Variants in TRIM9 observed in about 807,000 individuals in gnomAD.
TRIM9 encodes tripartite motif containing 9, also known as E3 ubiquitin-protein ligase TRIM9.
TRIM9 carries 26 observed loss-of-function variants against 78.3 expected under a neutral mutation model. The observed-to-expected ratio is 0.33, with a 90% CI of 0.24 to 0.46. The LOEUF is 0.46. Among genes scored for constraint, TRIM9 ranks in the 20% least tolerant of loss-of-function variants. The pLI is 1.00. For synonymous variants in TRIM9, 398 were observed against 416.5 expected (o/e 0.96, Z 0.54); for missense variants, 787 against 1,036.4 (o/e 0.76, Z 3.30).
chr14:51,012,259 C>G (rs535394360), intron 3 of TRIM9, among the ~76,000 whole-genome samples: 2 of 152,190 alleles, frequency 1.3e-5, no homozygotes, highest in African/African-American at 4.8e-5. Flanking sequence ...CCCTGGCAAC[C>G]GCCATTCTAC....
intron 3 of TRIM9, among the ~76,000 whole-genome samples, chr14:51,010,828 G>A (rs942250042): frequency 3.3e-5 from 5 of 152,286 alleles, no homozygotes; most frequent in African/African-American, 4.8e-5. Flanking sequence ...TCTGCTGAGC[G>A]ATGTTTGCTG....
chr14:51,053,161 A>G (rs1185251069), intron 1 of TRIM9, among the ~76,000 whole-genome samples: 1 of 93,856 alleles, frequency 1.1e-5, no homozygotes, highest in Non-Finnish European at 2.7e-5. Context: ...CCCTGTTTCA[A>G]AAAAAAAAAA....
intron 1 of TRIM9, among the ~76,000 whole-genome samples, chr14:51,027,341 T>C (rs1386636571): frequency 6.6e-6 from 1 of 150,936 alleles, no homozygotes; most frequent in African/African-American, 2.5e-5. Flanking sequence ...ATGGGGTTTC[T>C]CCATGTTGGC....
chr14:51,011,838 A>G (rs1038115125), intron 3 of TRIM9, among the ~76,000 whole-genome samples: 2 of 152,198 alleles, frequency 1.3e-5, no homozygotes, highest in African/African-American at 4.8e-5. Flanking sequence ...CGTTGCAGTC[A>G]TTGTATATGA....
At chr14:51,030,020 T>C (rs1320093039) in intron 1 of TRIM9, among the ~76,000 whole-genome samples, 1 of 152,240 alleles carries the variant, frequency 6.6e-6, no homozygotes, top group Non-Finnish European at 1.5e-5. Context: ...GTATGTAAAT[T>C]ACAGCATGAC....
At position 51,060,291 on chromosome 14, in the gene TRIM9, T is replaced by C. The variant is rs199897555; in HGVS notation, c.822+33827A>G. Among the ~76,000 whole-genome samples the C allele has an allele frequency of 1.1e-4, 16 of 152,204 alleles. No homozygotes were observed. In the East Asian group the frequency reaches 3.1e-3, roughly 29 times the overall value. On this transcript the variant is annotated intron_variant, in intron 1 of 12. Coordinates refer to ENST00000684578, the MANE Select transcript of TRIM9 (RefSeq NM_001387360.1). ...AGTCTTATATCAGCCTAACTTCCTA[T>C]GACCATTTAGCTAACCCTTTACTCC...
chr14:51,094,841 G>A lies in TRIM9; in HGVS notation c.99C>T (p.Cys33=). ...GGGTCTGCACCAGGATGTTGCGGGC[G>A]CACGCCTGACACAAATTGTGAGAGC... The part of the protein sequence containing the change: ...LPCSHNLCQA[C]ARNILVQTPE... The change falls in exon 1 of 13, where the codon TGC becomes TGT. Residue 33 remains cysteine, a synonymous_variant. Transcript: ENST00000684578. The A allele has an allele frequency of 2.0e-6, 3 of 1,533,068 alleles. No homozygotes were observed. The highest frequency in any genetic ancestry group is 1.4e-5 in the African/African-American group (1 of 72,088). The allele number at this position is 1,533,068 out of a possible 1,614,324, so 95.0% of individuals were successfully genotyped here.
intron 7 of TRIM9, among the ~76,000 whole-genome samples, chr14:50,988,671 C>T (rs894579008): frequency 7.3e-5 from 11 of 150,118 alleles, no homozygotes; most frequent in African/African-American, 2.4e-4. Context: ...CTGTTAACAA[C>T]AACAAAAAAA....
At chr14:51,020,108 G>A (rs1342668407) in intron 3 of TRIM9, among the ~76,000 whole-genome samples, 9 of 152,126 alleles carry the variant, frequency 5.9e-5, no homozygotes, top group Admixed American at 3.9e-4. Context: ...AAAGGGAAGC[G>A]GAAGAACATA....
intron 11 of TRIM9, among the ~76,000 whole-genome samples, chr14:50,981,414 T>C (rs2051876702): frequency 6.6e-6 from 1 of 152,216 alleles, no homozygotes; most frequent in Non-Finnish European, 1.5e-5. Flanking sequence ...AAAATTTTAT[T>C]GTACTAATTT....
chr14:51,091,703 A>C (rs1329431989), intron 1 of TRIM9, among the ~76,000 whole-genome samples: 1 of 152,200 alleles, frequency 6.6e-6, no homozygotes, highest in Non-Finnish European at 1.5e-5. Context: ...AGTAATCCTC[A>C]TATTGACTGA....
intron 1 of TRIM9, among the ~76,000 whole-genome samples, chr14:51,078,538 C>T (rs1266120347): frequency 6.6e-6 from 1 of 152,062 alleles, no homozygotes; most frequent in East Asian, 1.9e-4. Context: ...AAAAGAAGAT[C>T]CTGCCACTTG....
intron 1 of TRIM9, among the ~76,000 whole-genome samples, chr14:51,068,565 G>C (rs1459576135): frequency 6.6e-6 from 1 of 152,124 alleles, no homozygotes; most frequent in East Asian, 1.9e-4. Flanking sequence ...TTTTATCCCC[G>C]TTTTACAGAT....
Position 51,074,990 on chromosome 14 carries a change from C to A in TRIM9, c.822+19128G>T, listed in dbSNP as rs114221396. Among the ~76,000 whole-genome samples the A allele has an allele frequency of 5.9e-3, 904 of 152,344 alleles. 8 individuals are homozygous for A. The highest frequency in any genetic ancestry group is 0.02 in the African/African-American group (847 of 41,586). ...AAGTGTCTCTTCACAAAGGCACAAGCAACAGGCAGCGGACATTTTTATCCA... is the reference window on the plus strand; with the variant it reads ...AAGTGTCTCTTCACAAAGGCACAAGAAACAGGCAGCGGACATTTTTATCCA... On this transcript the variant is annotated intron_variant, in intron 1 of 12. Coordinates refer to ENST00000684578, the MANE Select transcript of TRIM9 (RefSeq NM_001387360.1).
At chr14:51,031,909 T>TATTAGTA (rs149358576) in intron 1 of TRIM9, among the ~76,000 whole-genome samples, 29,697 of 152,052 alleles carry the variant, frequency 0.2, 3,279 homozygotes, top group Non-Finnish European at 0.25. Flanking sequence ...TAAACAAATC[T>TATTAGTA]CACCATTTGT....
At chr14:51,068,312 T>A (rs1327939992) in intron 1 of TRIM9, among the ~76,000 whole-genome samples, 1 of 151,898 alleles carries the variant, frequency 6.6e-6, no homozygotes, top group Non-Finnish European at 1.5e-5. Flanking sequence ...AAATAGTATA[T>A]GTATTTGGTG....
At chr14:50,981,409 T>C (rs1249027624) in intron 11 of TRIM9, among the ~76,000 whole-genome samples, 1 of 152,180 alleles carries the variant, frequency 6.6e-6, no homozygotes, top group African/African-American at 2.4e-5. Flanking sequence ...AAGGAAAAAT[T>C]TTATTGTACT....
chr14:50,986,351 C>T (rs918120361), intron 7 of TRIM9: 2 of 385,578 alleles, frequency 5.2e-6, no homozygotes, highest in Non-Finnish European at 9.1e-6. Context: ...GAGGACACCT[C>T]GAACAACAAA....
Position 51,009,069 on chromosome 14 carries a change from C to G in TRIM9, c.1306+11G>C, listed in dbSNP as rs1410877271. On this transcript the variant is annotated intron_variant, in intron 5 of 12. Transcript: ENST00000684578. ...ATGTTGCTCTCTGACTTGGGGGATG[C>G]AAGGACATACCTTTCACTTGCACGA... 1 of 1,613,078 alleles carries G rather than the reference C, an allele frequency of 6.2e-7. No individual in the cohort carries two copies. The highest frequency in any genetic ancestry group is 2.2e-5 in the East Asian group (1 of 44,894).
Sources: gnomAD v4.1 joint callset for allele counts (sites outside exome capture counted in the v4.1 genomes callset) on GRCh38, gnomAD v4.1.1 for gene constraint, MANE v1.5 for transcripts, NCBI Gene and HGNC (gene_info 2026-07-23, HGNC 2026-07-21) for gene names.